CFAP161: variants seen among roughly 807,000 people sequenced by gnomAD.
The protein encoded by CFAP161 is cilia and flagella associated protein 161, also known as cilia- and flagella-associated protein 161.
A neutral mutation model predicts 29.0 loss-of-function variants in CFAP161; 25 were observed. The ratio of observed to expected loss-of-function variants is 0.86; its 90% CI spans 0.63 to 1.20. CFAP161 has a LOEUF of 1.20. CFAP161 is among the 50% of genes most tolerant of loss of function. The probability of loss-of-function intolerance (pLI) is 0.00; values close to 1 mark genes in which losing one functional copy is unlikely to be tolerated. For missense variants in CFAP161, 367 were observed against 371.9 expected, an observed-to-expected ratio of 0.99 and a Z score of 0.11; for synonymous variants, 116 against 137.4, an observed-to-expected ratio of 0.84 and a Z score of 1.09.
At chr15:81,110,804 C>A (rs1320423286) in intron 1 of CFAP161, among the ~76,000 whole-genome samples, 1 of 152,202 alleles carries the variant, frequency 6.6e-6, no homozygotes, top group Non-Finnish European at 1.5e-5. Flanking sequence ...ACCTTAGGCT[C>A]ATAGTCCTGT....
chr15:81,126,253 G>A (rs137989789), intron 1 of CFAP161, among the ~76,000 whole-genome samples: 2 of 152,196 alleles, frequency 1.3e-5, no homozygotes, highest in Non-Finnish European at 2.9e-5. Flanking sequence ...AACTTTATTT[G>A]CCCTGATAGG....
rs898970169 is a variant in CFAP161, at chr15:81,148,643, A to G, written c.*110A>G. On this transcript the variant is annotated 3_prime_UTR_variant, in exon 7 of 7. Coordinates refer to ENST00000286732, the MANE Select transcript of CFAP161 (RefSeq NM_173528.4). ...AAGCTATTTTTGAATCAGATGTGGG[A>G]CTCTCTGGGCACTATATTAAAATAA... 7 of 992,146 alleles carry G rather than the reference A, an allele frequency of 7.1e-6. No individual in the cohort carries two copies. The African/African-American group carries it at 9.7e-5, about 14-fold the overall frequency. The allele number at this position is 992,146 out of a possible 1,614,324, so 61.5% of individuals were successfully genotyped here.
At chr15:81,137,761 TTCCTTAG>T (rs1455137165) in intron 3 of CFAP161, among the ~76,000 whole-genome samples, 2 of 152,216 alleles carry the variant, frequency 1.3e-5, no homozygotes, top group African/African-American at 4.8e-5. Context: ...TTGACCAGAA[TTCCTTAG>T]TATACATTAG....
chr15:81,144,805 A>T (rs1001110657), intron 5 of CFAP161, among the ~76,000 whole-genome samples: 2 of 150,462 alleles, frequency 1.3e-5, no homozygotes, highest in African/African-American at 4.9e-5. Context: ...AAAAAGAAAG[A>T]AAAAGAGCTT....
At chr15:81,125,320 G>T (rs549564493) in intron 1 of CFAP161, among the ~76,000 whole-genome samples, 41 of 152,168 alleles carry the variant, frequency 2.7e-4, no homozygotes, top group African/African-American at 9.6e-4. Context: ...TGAATGTGTT[G>T]CTGGTAAATA....
At chr15:81,125,675 T>A (rs1397318059) in intron 1 of CFAP161, among the ~76,000 whole-genome samples, 1 of 152,226 alleles carries the variant, frequency 6.6e-6, no homozygotes, top group Middle Eastern at 3.2e-3. Flanking sequence ...ATATGAGTAC[T>A]CATTTATCCT....
At chr15:81,127,202 G>A (rs184392665) in intron 1 of CFAP161, among the ~76,000 whole-genome samples, 117 of 152,268 alleles carry the variant, frequency 7.7e-4, no homozygotes, top group Middle Eastern at 6.8e-3. Flanking sequence ...ATTTAGACCC[G>A]TGTTTTAGAT....
chr15:81,147,824 G>T, intron 5 of CFAP161, 34 bp from the exon 6 acceptor site: 4 of 1,467,726 alleles, frequency 2.7e-6, no homozygotes, highest in East Asian at 2.3e-5. Flanking sequence ...AAAATGTTTA[G>T]AATGCTAATA....
intron 1 of CFAP161, chr15:81,118,359 C>T (rs1894526286): frequency 6.6e-6 from 2 of 301,928 alleles, no homozygotes; most frequent in Non-Finnish European, 6.4e-6. Context: ...AACACTCTTA[C>T]ATCTCAGCTG....
intron 4 of CFAP161, among the ~76,000 whole-genome samples, chr15:81,140,181 G>C (rs1894882844): frequency 6.6e-6 from 1 of 151,906 alleles, no homozygotes; most frequent in South Asian, 2.1e-4. Context: ...TTTGCTGCTT[G>C]GCTTTTAAAT....
rs11395672 is a variant in CFAP161 at position 81,147,806 on chromosome 15, C to CAA, written c.637-42_637-41dup. On this transcript the variant is annotated intron_variant, in intron 5 of 6. Coordinates refer to ENST00000286732, the MANE Select transcript of CFAP161 (RefSeq NM_173528.4). ...TTTTAGGTAAGCTTTTCCCTAAAAG[C>CAA]AAAAAAAAAAATGTTTAGAATGCTA... is the stretch of plus-strand genomic sequence containing the variant. 9,531 of 1,195,854 alleles carry CAA rather than the reference C, an allele frequency of 8.0e-3. 176 individuals carry two copies. The African/African-American group carries it at 0.088, about 11-fold the overall frequency. The allele number at this position is 1,195,854 out of a possible 1,614,324, so 74.1% of individuals were successfully genotyped here.
intron 5 of CFAP161, among the ~76,000 whole-genome samples, chr15:81,145,269 C>T (rs1162717279): frequency 6.6e-6 from 1 of 152,206 alleles, no homozygotes; most frequent in Non-Finnish European, 1.5e-5. Context: ...ATGAAACAGG[C>T]TTTACAAATT....
chr15:81,107,490 C>A (rs1232134586), intron 1 of CFAP161, among the ~76,000 whole-genome samples: 1 of 152,158 alleles, frequency 6.6e-6, no homozygotes, highest in African/African-American at 2.4e-5. Flanking sequence ...CTTTGGGAGG[C>A]CGGGGTGGGC....
At chr15:81,122,305 G>A (rs1464482082) in intron 1 of CFAP161, among the ~76,000 whole-genome samples, 1 of 152,056 alleles carries the variant, frequency 6.6e-6, no homozygotes, top group Non-Finnish European at 1.5e-5. Context: ...TTCTACAATG[G>A]TTGAACTAGT....
At chr15:81,113,691 A>G (rs1894463609) in intron 1 of CFAP161, among the ~76,000 whole-genome samples, 2 of 152,226 alleles carry the variant, frequency 1.3e-5, no homozygotes, top group Non-Finnish European at 1.5e-5. Flanking sequence ...AGCTTCCATG[A>G]CTTTTCTGGG....
intron 4 of CFAP161, 66 bp downstream of exon 4, chr15:81,138,201 C>G: frequency 7.7e-7 from 1 of 1,292,786 alleles, no homozygotes; most frequent in South Asian, 1.2e-5. Context: ...GGGATCATAA[C>G]TATCTACTGA....
chr15:81,143,890 C>T, intron 5 of CFAP161, 70 bp downstream of exon 5: 1 of 1,502,364 alleles, frequency 6.7e-7, no homozygotes, highest in South Asian at 1.3e-5. Flanking sequence ...CTGTCTATAA[C>T]ACACAGACTT....
chr15:81,129,671 A>T (rs1374119743), upstream of CFAP161, among the ~76,000 whole-genome samples: 1 of 152,208 alleles, frequency 6.6e-6, no homozygotes, highest in Admixed American at 6.5e-5. Context: ...TCAGAATAGT[A>T]AATGAGCATG....
intron 1 of CFAP161, among the ~76,000 whole-genome samples, chr15:81,108,932 G>A (rs1174820852): frequency 2.0e-5 from 3 of 151,954 alleles, no homozygotes; most frequent in East Asian, 3.9e-4. Context: ...TTCAAGATTC[G>A]GAAACAAAAA....
Sources: gnomAD v4.1 joint callset for allele counts (sites outside exome capture counted in the v4.1 genomes callset) on GRCh38, gnomAD v4.1.1 for gene constraint, MANE v1.5 for transcripts, NCBI Gene and HGNC (gene_info 2026-07-23, HGNC 2026-07-21) for gene names.